PRELID2: variants seen among roughly 807,000 people sequenced by gnomAD.
PRELID2 encodes the protein PRELI domain-containing protein 2.
Under a neutral mutation model 28.4 loss-of-function variants are expected in PRELID2, and 25 were observed. That is an observed-to-expected ratio of 0.88 (90% CI 0.64 to 1.23). The LOEUF (loss-of-function observed/expected upper bound fraction) is 1.23. PRELID2 is among the 50% of genes most tolerant of loss of function. PRELID2 has a pLI of 0.00. For synonymous variants in PRELID2, 76 were observed against 71.6 expected, an observed-to-expected ratio of 1.06 and a Z score of -0.31; for missense variants, 201 against 214.4, an observed-to-expected ratio of 0.94 and a Z score of 0.39.
the PRELID2 span, among the ~76,000 whole-genome samples, chr5:145,324,687 TA>T: frequency 6.6e-6 from 1 of 152,212 alleles, no homozygotes; most frequent in Non-Finnish European, 1.5e-5. Context: ...ATGGAGATCT[TA>T]CCACATATAA....
chr5:145,488,561 G>T, intron 1 of PRELID2, among the ~76,000 whole-genome samples: 2 of 152,236 alleles, frequency 1.3e-5, no homozygotes, highest in South Asian at 4.1e-4. Flanking sequence ...TAGAAAAAAA[G>T]AAGCCACAAT....
chr5:145,806,825 G>A (rs997855484), intron 4 of PRELID2, among the ~76,000 whole-genome samples: 11 of 151,994 alleles, frequency 7.2e-5, no homozygotes, highest in Admixed American at 2.0e-4. Context: ...TCTCTCTCCC[G>A]CCACCTTGTG....
intron 1 of PRELID2, chr5:145,473,455 G>A (rs921425431): frequency 1.3e-5 from 2 of 152,134 alleles, no homozygotes; most frequent in African/African-American, 4.8e-5. Context: ...TACGGATGAT[G>A]TCATTAATCC....
At chr5:145,740,605 TATATATATAAATATATATATA>T (rs1756650930) in intron 1 of PRELID2, among the ~76,000 whole-genome samples, 1 of 108,348 alleles carries the variant, frequency 9.2e-6, no homozygotes, top group Non-Finnish European at 1.7e-5. Context: ...ATATATATAT[TATATATATAAATATATATATA>T]TTATATATAT....
At chr5:145,328,493 G>A in the PRELID2 span, among the ~76,000 whole-genome samples, 1 of 152,114 alleles carries the variant, frequency 6.6e-6, no homozygotes, top group African/African-American at 2.4e-5. Context: ...GGCATGAGAT[G>A]GTATCTAATT....
At chr5:145,280,222 G>A in the PRELID2 span, among the ~76,000 whole-genome samples, 2 of 152,060 alleles carry the variant, frequency 1.3e-5, no homozygotes, top group South Asian at 4.1e-4. Context: ...GAGGGGGTGG[G>A]AATTGTTATA....
chr5:145,342,677 G>A, the PRELID2 span, among the ~76,000 whole-genome samples: 1 of 151,256 alleles, frequency 6.6e-6, no homozygotes. Flanking sequence ...TCTATTGCTA[G>A]AGAATTATTG....
chr5:145,239,148 A>G, the PRELID2 span, among the ~76,000 whole-genome samples: 2 of 152,102 alleles, frequency 1.3e-5, no homozygotes, highest in Non-Finnish European at 2.9e-5. Flanking sequence ...TAATCTTCTA[A>G]TCCGAACTGT....
At chr5:145,499,431 T>C (rs923767909) in intron 1 of PRELID2, among the ~76,000 whole-genome samples, 1 of 152,262 alleles carries the variant, frequency 6.6e-6, no homozygotes, top group Admixed American at 6.5e-5. Flanking sequence ...TGAATATGAT[T>C]CTTTCAACAT....
At chr5:145,380,614 CT>C in the PRELID2 span, among the ~76,000 whole-genome samples, 3 of 152,100 alleles carry the variant, frequency 2.0e-5, no homozygotes, top group Non-Finnish European at 4.4e-5. Context: ...CATATTTTTT[CT>C]TTTTGTTACA....
chr5:145,697,257 G>A (rs1755300498), intron 1 of PRELID2, among the ~76,000 whole-genome samples: 1 of 151,826 alleles, frequency 6.6e-6, no homozygotes, highest in Non-Finnish European at 1.5e-5. Context: ...AGGCATCCCT[G>A]TGTGCAAGTC....
In PRELID2 at chr5:145,516,575, T is replaced by C. The variant is rs567293989; in HGVS notation, n.71-43260A>G. On this transcript the variant is annotated intron_variant and non_coding_transcript_variant, in intron 1 of 2. Coordinates refer to the PRELID2 transcript ENST00000510259. Reference sequence around the variant, plus strand: ...TGGCCATATTGCCCAAAGTAATTTATAGATTCAATGCTGTCCCCATCAAGC... The same window carrying C: ...TGGCCATATTGCCCAAAGTAATTTACAGATTCAATGCTGTCCCCATCAAGC... Among the ~76,000 whole-genome samples, 640 of 152,304 alleles carry C rather than the reference T, an allele frequency of 4.2e-3. 2 individuals are homozygous for C. Among genetic ancestry groups the C allele is most frequent in the Non-Finnish European group, 6.7e-3 (459 of 68,014 alleles).
At chr5:145,682,299 G>T (rs1014018126) in intron 1 of PRELID2, among the ~76,000 whole-genome samples, 7 of 152,190 alleles carry the variant, frequency 4.6e-5, no homozygotes, top group Admixed American at 4.6e-4. Context: ...AAAATGTACA[G>T]TTTCCACCTC....
chr5:145,646,084 G>T (rs1346776135), intron 1 of PRELID2, among the ~76,000 whole-genome samples: 1 of 152,168 alleles, frequency 6.6e-6, no homozygotes, highest in Admixed American at 6.5e-5. Context: ...GGCCTGTCTT[G>T]CTAGGTTGGG....
chr5:145,474,568 C>T (rs3901059), intron 1 of PRELID2, among the ~76,000 whole-genome samples: 2,225 of 152,270 alleles, frequency 0.015, 32 homozygotes, highest in African/African-American at 0.037. Context: ...CAATTACTCA[C>T]ACCTGTTTGG....
the PRELID2 span, chr5:145,229,848 G>T: frequency 2.4e-3 from 1,837 of 757,928 alleles, 3 homozygotes; most frequent in Non-Finnish European, 3.6e-3. Flanking sequence ...CCAGGAGCCG[G>T]CAGAAGGGAA....
downstream of PRELID2, chr5:145,754,264 C>T (rs190879136): frequency 6.6e-6 from 1 of 152,288 alleles, no homozygotes; most frequent in East Asian, 1.9e-4. Flanking sequence ...ATAACATGCC[C>T]TTCTCTCACT....
chr5:145,300,265 C>T, the PRELID2 span, among the ~76,000 whole-genome samples: 10 of 152,106 alleles, frequency 6.6e-5, no homozygotes, highest in Admixed American at 4.6e-4. Context: ...TTATCTTGGA[C>T]ACTTCCTACC....
At chr5:145,640,243 T>C (rs1167183425) in intron 1 of PRELID2, among the ~76,000 whole-genome samples, 4 of 151,676 alleles carry the variant, frequency 2.6e-5, no homozygotes, top group African/African-American at 4.8e-5. Context: ...TCCCAGCAAT[T>C]TGGGAGGCCG....
Sources: gnomAD v4.1 joint callset for allele counts (sites outside exome capture counted in the v4.1 genomes callset) on GRCh38, gnomAD v4.1.1 for gene constraint, MANE v1.5 for transcripts, NCBI Gene and HGNC (gene_info 2026-07-23, HGNC 2026-07-21) for gene names.